Variants in SV2C observed in about 807,000 individuals in gnomAD.
SV2C encodes solute carrier family 22 member B3.
A neutral mutation model predicts 79.7 loss-of-function variants in SV2C; 49 were observed. The observed-to-expected ratio is 0.61, with a 90% CI of 0.49 to 0.78. The LOEUF is 0.78. SV2C is among the 30% of genes least tolerant of loss of function. The probability of loss-of-function intolerance (pLI) is 0.00; values close to 1 mark genes in which losing one functional copy is unlikely to be tolerated. For missense variants in SV2C, 833 were observed against 912.9 expected (o/e 0.91, Z 1.13); for synonymous variants, 334 against 333.2 (o/e 1.00, Z -0.03).
the SV2C span, among the ~76,000 whole-genome samples, chr5:75,905,457 G>T: frequency 6.6e-6 from 1 of 152,346 alleles, no homozygotes; most frequent in Admixed American, 6.5e-5. Flanking sequence ...ATAAATAGCA[G>T]CTTCTTTGGC....
At chr5:76,258,413 C>T (rs1465449017) in intron 4 of SV2C, among the ~76,000 whole-genome samples, 1 of 152,098 alleles carries the variant, frequency 6.6e-6, no homozygotes, top group Non-Finnish European at 1.5e-5. Flanking sequence ...TCTTCAGGAG[C>T]TATCTTAGTT....
At chr5:75,941,466 A>G in the SV2C span, among the ~76,000 whole-genome samples, 2 of 152,202 alleles carry the variant, frequency 1.3e-5, no homozygotes, top group Non-Finnish European at 2.9e-5. Flanking sequence ...AGGTATTTGA[A>G]GGATGTACAA....
rs1561234536 is a variant in SV2C at position 76,142,901 on chromosome 5, TCC to T, written c.580+10572_580+10573del. Among the ~76,000 whole-genome samples, 224 of 133,244 alleles carry T rather than the reference TCC, an allele frequency of 1.7e-3. 1 individual carries two copies. The highest frequency in any genetic ancestry group is 5.5e-3 in the African/African-American group (219 of 39,784). The allele number at this position is 133,244 out of a possible 152,430, so 87.4% of individuals were successfully genotyped here. A position where few individuals can be genotyped will look rare whatever the true frequency, so the allele number is the denominator to read the frequency against. On this transcript the variant is annotated intron_variant, in intron 2 of 12. Transcript: ENST00000502798. Reference sequence around the variant, plus strand: ...ATGGTATCTCTTCAACTTTTTCTTTTCCTTTTTTTTTGAGACGGAGTCTTGCT... The same window carrying T: ...ATGGTATCTCTTCAACTTTTTCTTTTTTTTTTTTTGAGACGGAGTCTTGCT...
chr5:76,261,321 A>G (rs1746459774), intron 4 of SV2C, among the ~76,000 whole-genome samples: 1 of 152,206 alleles, frequency 6.6e-6, no homozygotes, highest in South Asian at 2.1e-4. Flanking sequence ...GAAGTCATTT[A>G]TCAGCTTAAG....
At chr5:76,086,640 A>AGG (rs1160946) in intron 1 of SV2C, among the ~76,000 whole-genome samples, 2 of 30,792 alleles carry the variant, frequency 6.5e-5, no homozygotes, top group South Asian at 1.8e-3. Context: ...AGCCCCTGGC[A>AGG]TATATAGTTT....
chr5:76,222,501 C>T (rs1745096405), intron 4 of SV2C, among the ~76,000 whole-genome samples: 1 of 152,114 alleles, frequency 6.6e-6, no homozygotes, highest in Non-Finnish European at 1.5e-5. Context: ...TCTGGGAGAA[C>T]TTTGCGTTGA....
the SV2C span, among the ~76,000 whole-genome samples, chr5:75,986,700 C>G: frequency 6.6e-6 from 1 of 151,962 alleles, no homozygotes; most frequent in Non-Finnish European, 1.5e-5. Flanking sequence ...ACCACTGGTT[C>G]CATTCATAAC....
intron 12 of SV2C, among the ~76,000 whole-genome samples, chr5:76,341,352 G>A (rs1033558939): frequency 6.6e-6 from 1 of 151,934 alleles, no homozygotes; most frequent in African/African-American, 2.4e-5. Context: ...AGCCTGAACA[G>A]CATCCATCTC....
chr5:75,903,533 A>C, the SV2C span, among the ~76,000 whole-genome samples: 8 of 152,238 alleles, frequency 5.3e-5, no homozygotes, highest in Middle Eastern at 3.4e-3. Context: ...CTTTCATTCC[A>C]CTGCAGTACT....
chr5:75,932,420 TAAGACA>T, the SV2C span, among the ~76,000 whole-genome samples: 4 of 150,328 alleles, frequency 2.7e-5, no homozygotes, highest in Non-Finnish European at 5.9e-5. Flanking sequence ...CTAGAGGAAT[TAAGACA>T]AAGATACAGA....
At chr5:76,044,084 C>A in the SV2C span, among the ~76,000 whole-genome samples, 3 of 152,220 alleles carry the variant, frequency 2.0e-5, no homozygotes, top group South Asian at 4.2e-4. Flanking sequence ...TCCAACAGGC[C>A]CCAGTGTGTT....
chr5:76,097,194 T>C (rs142167958), intron 1 of SV2C, among the ~76,000 whole-genome samples: 189 of 152,310 alleles, frequency 1.2e-3, no homozygotes, highest in African/African-American at 4.4e-3. Flanking sequence ...AGATATCTAT[T>C]TAGGTAAAAA....
chr5:76,103,545 C>T (rs946647233), intron 1 of SV2C, among the ~76,000 whole-genome samples: 1 of 152,186 alleles, frequency 6.6e-6, no homozygotes, highest in East Asian at 1.9e-4. Context: ...GATGGGTTTG[C>T]ATGTCAGCCT....
At chr5:76,106,838 G>A (rs547456427) in intron 1 of SV2C, among the ~76,000 whole-genome samples, 6 of 151,774 alleles carry the variant, frequency 4.0e-5, no homozygotes, top group Admixed American at 6.6e-5. Flanking sequence ...TATCATCTTC[G>A]AATAAACATG....
At chr5:76,055,076 G>T in the SV2C span, among the ~76,000 whole-genome samples, 1 of 152,096 alleles carries the variant, frequency 6.6e-6, no homozygotes, top group Admixed American at 6.5e-5. Flanking sequence ...CTTTGCCCAT[G>T]CCTATGTCCT....
chr5:76,004,703 G>A, the SV2C span, among the ~76,000 whole-genome samples: 156 of 152,186 alleles, frequency 1.0e-3, 1 homozygote, highest in African/African-American at 3.6e-3. Flanking sequence ...GCCCTCAGAT[G>A]CATGCATTAT....
At chr5:76,142,142 A>G (rs148293868) in intron 2 of SV2C, among the ~76,000 whole-genome samples, 1 of 152,348 alleles carries the variant, frequency 6.6e-6, no homozygotes, top group East Asian at 1.9e-4. Flanking sequence ...TTTCTAACAC[A>G]CATATTTGCA....
Position 76,327,368 on chromosome 5 carries a change from G to T in SV2C, c.*1821G>T, listed in dbSNP as rs1749044571. 1 of 152,230 alleles carries T rather than the reference G, an allele frequency of 6.6e-6. No homozygotes were observed. The highest frequency in any genetic ancestry group is 2.1e-4 in the South Asian group (1 of 4,820). 9.4% of individuals were successfully genotyped at this position (152,230 alleles called of 1,614,324 possible). ...AAAACTGCAAAGGTGGCAGGAAGAAGAAAAATCACTGAAGGCTAGACAAGA... is the reference window on the plus strand; with the variant it reads ...AAAACTGCAAAGGTGGCAGGAAGAATAAAAATCACTGAAGGCTAGACAAGA... On this transcript the variant is annotated 3_prime_UTR_variant, in exon 13 of 13. Transcript: ENST00000502798.
At chr5:75,888,627 A>G in the SV2C span, among the ~76,000 whole-genome samples, 1 of 152,060 alleles carries the variant, frequency 6.6e-6, no homozygotes, top group South Asian at 2.1e-4. Context: ...TCACTTCTTC[A>G]GAGAGTCCTT....
Sources: gnomAD v4.1 joint callset for allele counts (sites outside exome capture counted in the v4.1 genomes callset) on GRCh38, gnomAD v4.1.1 for gene constraint, MANE v1.5 for transcripts, NCBI Gene and HGNC (gene_info 2026-07-23, HGNC 2026-07-21) for gene names.